MACF1: variants seen among roughly 807,000 people sequenced by gnomAD.
MACF1 encodes microtubule-actin cross-linking factor 1.
Under a neutral mutation model 854.8 loss-of-function variants are expected in MACF1, and 193 were observed. That is an observed-to-expected ratio of 0.23 (90% CI 0.20 to 0.25). The LOEUF (loss-of-function observed/expected upper bound fraction) is 0.25. MACF1 is among the 10% of genes least tolerant of loss of function. The pLI is 1.00. For synonymous variants in MACF1, 3,185 were observed against 3,226.7 expected, an observed-to-expected ratio of 0.99 and a Z score of 0.44; for missense variants, 7,722 against 8,929.1, an observed-to-expected ratio of 0.86 and a Z score of 5.45.
In MACF1 at chr1:39,282,296, A is replaced by G; in HGVS notation, c.617A>G (p.Tyr206Cys). The change falls in exon 7 of 101, where the codon TAC becomes TGC. Residue 206 changes from tyrosine (Y) to cysteine (C), a missense_variant. This residue lies in a region of MACF1 where 108 missense variants were observed against 196.4 expected (regional missense o/e 0.55). Transcript: ENST00000564288. ...TGGACCCAGAAGGTGACAGCTGGTT[A>G]CACAGGAATCAAATGCACCAACTTT... ...LLWTQKVTAG[Y>C]TGIKCTNFSS... is the part of the protein sequence containing the mutation. The G allele has an allele frequency of 1.2e-6, 2 of 1,614,114 alleles. No homozygotes were observed. Among genetic ancestry groups the G allele is most frequent in the Non-Finnish European group, 1.7e-6 (2 of 1,179,974 alleles).
chr1:39,260,962 T>C (rs1645157517), intron 6 of MACF1, among the ~76,000 whole-genome samples: 1 of 152,170 alleles, frequency 6.6e-6, no homozygotes, highest in Non-Finnish European at 1.5e-5. Flanking sequence ...AGTGACAATA[T>C]GAATGTTATT....
At chr1:39,253,392 C>T (rs2148336502) in intron 4 of MACF1, among the ~76,000 whole-genome samples, 1 of 152,130 alleles carries the variant, frequency 6.6e-6, no homozygotes, top group East Asian at 1.9e-4. Context: ...TCAGTGGCAG[C>T]TATGTTCCTG....
chr1:39,091,078 G>A (rs1288301508), intron 2 of MACF1, among the ~76,000 whole-genome samples: 1 of 152,192 alleles, frequency 6.6e-6, no homozygotes, highest in Admixed American at 6.5e-5. Context: ...CTACAGGGAA[G>A]GTCTGAAGCC....
intron 2 of MACF1, among the ~76,000 whole-genome samples, chr1:39,111,145 C>A (rs1361355279): frequency 6.6e-6 from 1 of 152,120 alleles, no homozygotes; most frequent in Non-Finnish European, 1.5e-5. Flanking sequence ...CGTCTGGCTT[C>A]TATTGGTGGC....
chr1:39,324,468 G>T, intron 34 of MACF1, 123 bp downstream of exon 34: 1 of 1,271,086 alleles, frequency 7.9e-7, no homozygotes, highest in Non-Finnish European at 1.1e-6. Flanking sequence ...AAATGTTAAA[G>T]AAACTTAAGA....
chr1:39,271,147 A>G (rs1378743614), intron 6 of MACF1, among the ~76,000 whole-genome samples: 1 of 152,214 alleles, frequency 6.6e-6, no homozygotes, highest in Non-Finnish European at 1.5e-5. Flanking sequence ...CATTGCTATA[A>G]ATAAATACCT....
rs944172024 is a variant in MACF1 at position 39,460,469 on chromosome 1, A to C, written c.21361-163A>C. On this transcript the variant is annotated intron_variant, in intron 91 of 100. Coordinates refer to ENST00000564288, the MANE Select transcript of MACF1 (RefSeq NM_001394062.1). The surrounding 1 kb of genome is among the most constrained non-coding windows in gnomAD (Gnocchi z 4.1). The stretch of plus-strand genomic sequence containing the variant: ...GTAAATAGTCATGGCTTTAAGTGAA[A>C]GAGCCAGATTGTGCCTTCACAAAAG... Among the ~76,000 whole-genome samples, 2 of 152,232 alleles carry C rather than the reference A, an allele frequency of 1.3e-5. No homozygotes were observed. Among genetic ancestry groups the C allele is most frequent in the South Asian group, 4.1e-4 (2 of 4,832 alleles).
chr1:39,377,230 C>T (rs755855105), intron 52 of MACF1, among the ~76,000 whole-genome samples: 1 of 151,834 alleles, frequency 6.6e-6, no homozygotes, highest in African/African-American at 2.4e-5. Flanking sequence ...AGGCTGGTCT[C>T]GAACCTCCTG....
rs768651809 is a variant in MACF1 at position 39,451,164 on chromosome 1, G to A, written c.20371G>A (p.Val6791Met). 21 of 1,614,016 alleles carry A rather than the reference G, an allele frequency of 1.3e-5. No homozygotes were observed. The highest frequency in any genetic ancestry group is 6.7e-5 in the African/African-American group (5 of 74,920). ...GCCACAGCTGGCTGAGGACCAGCCCGTGCACGGGGACCTTGACCTCGTCAT... is the reference window on the plus strand; with the variant it reads ...GCCACAGCTGGCTGAGGACCAGCCCATGCACGGGGACCTTGACCTCGTCAT... ...VEPQLAEDQP[V>M]HGDLDLVMNL... The change falls in exon 85 of 101, where the codon GTG (valine) becomes ATG (methionine). Residue 6791 changes from valine (V) to methionine (M), a missense_variant. Val to Met is a conservative substitution (Grantham distance 21). Transcript: ENST00000564288.
intron 2 of MACF1, among the ~76,000 whole-genome samples, chr1:39,187,967 T>C (rs1246079916): frequency 9.9e-4 from 49 of 49,378 alleles, no homozygotes; most frequent in South Asian, 2.9e-3. Flanking sequence ...CCTCCCCTCC[T>C]CTCCCCTCCT....
At chr1:39,104,925 G>T (rs1212592584) in intron 2 of MACF1, among the ~76,000 whole-genome samples, 1 of 152,178 alleles carries the variant, frequency 6.6e-6, no homozygotes, top group Non-Finnish European at 1.5e-5. Flanking sequence ...GTTTCTCCAG[G>T]TCCTTCTCCA....
chr1:39,296,771 GAA>G (rs141062011), intron 20 of MACF1, among the ~76,000 whole-genome samples: 20,744 of 92,278 alleles, frequency 0.22, 2,883 homozygotes, highest in Middle Eastern at 0.33. Flanking sequence ...AGGAAGGAAG[GAA>G]AAGAAAGAAA....
Position 39,310,401 on chromosome 1 carries a change from C to T in MACF1, c.3073C>T (p.Gln1025Ter). The T allele has an allele frequency of 6.2e-7, 1 of 1,614,100 alleles. No individual in the cohort carries two copies. Among genetic ancestry groups the T allele is most frequent in the Non-Finnish European group, 8.5e-7 (1 of 1,179,998 alleles). Reference protein sequence around the residue: ...EEVEACKARFQHLMKSMENED... With the variant: ...EEVEACKARF ...GGTGGAAGCTTGTAAAGCCCGCTTC[C>T]AGCACCTGATGAAGTCCATGGAGAA... Residue 1025 changes from glutamine (Q) to a stop codon, truncating the protein, a stop_gained, in exon 25 of 101, where the codon CAG becomes TAG. Transcript: ENST00000564288. LOFTEE classifies it high-confidence loss of function.
At chr1:39,093,691 G>A (rs954202656) in intron 2 of MACF1, among the ~76,000 whole-genome samples, 9 of 151,944 alleles carry the variant, frequency 5.9e-5, no homozygotes, top group Non-Finnish European at 1.2e-4. Context: ...TCATCATGTT[G>A]GCCAGGATGG....
chr1:39,234,382 C>T (rs1487987892), intron 2 of MACF1, among the ~76,000 whole-genome samples: 1 of 151,404 alleles, frequency 6.6e-6, no homozygotes, highest in Non-Finnish European at 1.5e-5. Flanking sequence ...AGAGGCGCCC[C>T]TCACCTTCCG....
At chr1:39,420,395 C>T (rs1286865879) in intron 58 of MACF1, among the ~76,000 whole-genome samples, 5 of 152,172 alleles carry the variant, frequency 3.3e-5, no homozygotes, top group Non-Finnish European at 5.9e-5. Context: ...TTTTCTTCAG[C>T]AGAAACATCT....
chr1:39,088,385 G>T (rs910479055), intron 2 of MACF1, among the ~76,000 whole-genome samples: 1 of 152,136 alleles, frequency 6.6e-6, no homozygotes, highest in Non-Finnish European at 1.5e-5. Flanking sequence ...CACCGCACCC[G>T]GCCCTGTACA....
In MACF1 at chr1:39,318,453, C is replaced by G. The variant is rs143805726; in HGVS notation, c.3783C>G (p.Arg1261=). 4 of 1,612,858 alleles carry G rather than the reference C, an allele frequency of 2.5e-6. No homozygotes were observed. In the Middle Eastern group the frequency reaches 6.7e-4, roughly 270 times the overall value. The change falls in exon 30 of 101, where the codon CGC becomes CGG. Residue 1261 remains arginine (R), a splice_region_variant and synonymous_variant. Transcript: ENST00000564288. The stretch of plus-strand genomic sequence containing the variant: ...TAGCAGTTTCCCTTTGTTCTTCTAG[C>G]CAATCTGAGCTAGAAAGTATCCAGG... ...WHRVIAQLEI[R]QSELESIQEV...
At chr1:39,311,265 A>G (rs374522682) in intron 26 of MACF1, among the ~76,000 whole-genome samples, 2 of 152,332 alleles carry the variant, frequency 1.3e-5, no homozygotes, top group East Asian at 1.9e-4. Context: ...TATTTGGGCT[A>G]TGTATTTTGA....
Sources: allele counts gnomAD v4.1 joint callset (sites outside exome capture counted in the v4.1 genomes callset), GRCh38; gene constraint gnomAD v4.1.1; regional missense constraint gnomAD v4.1.1; non-coding constraint Gnocchi (gnomAD v3.1); transcripts MANE v1.5; gene names NCBI Gene and HGNC (gene_info 2026-07-23, HGNC 2026-07-21).